The following RIMS2 variants were observed in gnomAD, a reference collection of about 807,000 sequenced individuals.
RIMS2 encodes regulating synaptic membrane exocytosis 2, also known as regulating synaptic membrane exocytosis protein 2.
In RIMS2, 59 loss-of-function variants were observed where a neutral mutation model predicts 174.4. That is an observed-to-expected ratio of 0.34 (90% CI 0.27 to 0.42). RIMS2 has a LOEUF of 0.42. Among genes scored for constraint, RIMS2 ranks in the 10% least tolerant of loss-of-function variants. RIMS2 has a pLI of 1.00. For missense variants in RIMS2, 1,620 were observed against 1,666.3 expected (o/e 0.97, Z 0.48); for synonymous variants, 606 against 572.5 (o/e 1.06, Z -0.84).
intron 19 of RIMS2, among the ~76,000 whole-genome samples, chr8:104,136,801 G>C (rs2098524529): frequency 6.6e-6 from 1 of 152,092 alleles, no homozygotes; most frequent in Non-Finnish European, 1.5e-5. Context: ...CTTTTGGAGG[G>C]TGGAGGGTGG....
rs1297967006 is a variant in RIMS2, at chr8:103,944,133, T to C, written c.2701+1207T>C. ...CTAATTACTGGAATTTTATTTCCACTTAATACAGTCTTGTACCTTTGGATG... is the reference window on the plus strand; with the variant it reads ...CTAATTACTGGAATTTTATTTCCACCTAATACAGTCTTGTACCTTTGGATG... On this transcript the variant is annotated intron_variant, in intron 14 of 23. Transcript: ENST00000504942. Among the ~76,000 whole-genome samples the C allele has an allele frequency of 2.0e-5, 3 of 152,222 alleles. No individual in the cohort carries two copies. The East Asian group carries it at 5.8e-4, about 29-fold the overall frequency.
At chr8:104,064,001 G>A (rs1301694481) in intron 19 of RIMS2, among the ~76,000 whole-genome samples, 2 of 152,086 alleles carry the variant, frequency 1.3e-5, no homozygotes, top group Admixed American at 6.6e-5. Flanking sequence ...TAGTACATGC[G>A]TGTAGTAAAA....
At chr8:103,597,165 G>A (rs1353985550) in intron 1 of RIMS2, among the ~76,000 whole-genome samples, 2 of 152,028 alleles carry the variant, frequency 1.3e-5, no homozygotes, top group African/African-American at 4.8e-5. Flanking sequence ...AAATTTATTG[G>A]TAGAAAAGAA....
rs553386359 is a variant in RIMS2, at chr8:104,023,425, A to G, written c.3334+8810A>G. On this transcript the variant is annotated intron_variant, in intron 19 of 23. Transcript: ENST00000504942. The stretch of plus-strand genomic sequence containing the variant: ...GATGATAGTGGCTTAGACCAGCATG[A>G]TAGCAGTATAAGTAGCTGGATTCTG... Among the ~76,000 whole-genome samples the G allele has an allele frequency of 1.8e-4, 27 of 152,318 alleles. No homozygotes were observed. The South Asian group carries it at 1.9e-3, about 11-fold the overall frequency.
intron 19 of RIMS2, among the ~76,000 whole-genome samples, chr8:104,190,972 TG>T (rs1233062499): frequency 6.6e-6 from 1 of 151,598 alleles, no homozygotes. Flanking sequence ...CTTCTTCTGA[TG>T]TGGGAAGCAG....
intron 19 of RIMS2, among the ~76,000 whole-genome samples, chr8:104,025,824 C>T (rs558055610): frequency 6.6e-6 from 1 of 151,942 alleles, no homozygotes; most frequent in South Asian, 2.1e-4. Context: ...TTTTCCTGTA[C>T]CTTTTCTATA....
downstream of RIMS2, chr8:104,254,775 C>G (rs990184307): frequency 2.6e-5 from 4 of 152,160 alleles, no homozygotes. Context: ...CAGGCACAGG[C>G]TCTGCTAGCC....
At chr8:103,876,918 A>ACACACACC (rs1273181641) in intron 3 of RIMS2, among the ~76,000 whole-genome samples, 2 of 124,996 alleles carry the variant, frequency 1.6e-5, no homozygotes, top group Non-Finnish European at 3.4e-5. Flanking sequence ...ATACACACAC[A>ACACACACC]CCCCCATATA....
At chr8:103,608,095 T>C (rs2095209044) in intron 1 of RIMS2, among the ~76,000 whole-genome samples, 1 of 149,830 alleles carries the variant, frequency 6.7e-6, no homozygotes, top group Admixed American at 6.6e-5. Flanking sequence ...TAATTTCCAG[T>C]TTTTCTGTTC....
intron 19 of RIMS2, among the ~76,000 whole-genome samples, chr8:104,180,096 A>G (rs1039753261): frequency 6.6e-6 from 1 of 151,778 alleles, no homozygotes; most frequent in African/African-American, 2.4e-5. Flanking sequence ...ATTTAATGTA[A>G]TGCTCTATTG....
intron 19 of RIMS2, among the ~76,000 whole-genome samples, chr8:104,181,428 G>A (rs762054888): frequency 3.4e-4 from 51 of 151,526 alleles, no homozygotes; most frequent in Non-Finnish European, 6.7e-4. Flanking sequence ...GGAATACCAT[G>A]ACCAAATCAC....
At chr8:104,022,481 A>T (rs1421123243) in intron 19 of RIMS2, among the ~76,000 whole-genome samples, 1 of 152,048 alleles carries the variant, frequency 6.6e-6, no homozygotes, top group Admixed American at 6.6e-5. Flanking sequence ...CTCCCGGCTC[A>T]AGGGATTCTC....
chr8:103,774,801 C>G (rs2098294888), intron 3 of RIMS2, among the ~76,000 whole-genome samples: 2 of 152,104 alleles, frequency 1.3e-5, no homozygotes, highest in African/African-American at 4.8e-5. Flanking sequence ...CCTTCTGTAT[C>G]TTCATAGGGG....
intron 19 of RIMS2, among the ~76,000 whole-genome samples, chr8:104,024,601 A>G (rs986491182): frequency 2.1e-4 from 32 of 152,152 alleles, no homozygotes; most frequent in Admixed American, 2.1e-3. Flanking sequence ...AGTTCAACCA[A>G]TGTCTGCTAT....
chr8:103,681,895 T>G (rs1394930500), intron 1 of RIMS2, among the ~76,000 whole-genome samples: 1 of 152,126 alleles, frequency 6.6e-6, no homozygotes, highest in African/African-American at 2.4e-5. Context: ...TAGCAAGACC[T>G]ATAGTATTGG....
chr8:104,075,657 A>C (rs1301143199), intron 19 of RIMS2, among the ~76,000 whole-genome samples: 1 of 152,070 alleles, frequency 6.6e-6, no homozygotes, highest in Admixed American at 6.5e-5. Context: ...TTATTTCTTC[A>C]TGCCTCAGCA....
chr8:104,007,522 T>G (rs2095626178), intron 17 of RIMS2, among the ~76,000 whole-genome samples: 1 of 152,226 alleles, frequency 6.6e-6, no homozygotes, highest in Non-Finnish European at 1.5e-5. Flanking sequence ...CTATTTTATC[T>G]TCCATCATCT....
chr8:104,119,524 G>A (rs1012123278), intron 19 of RIMS2, among the ~76,000 whole-genome samples: 6 of 152,064 alleles, frequency 3.9e-5, no homozygotes, highest in South Asian at 2.1e-4. Flanking sequence ...AAATGTCACC[G>A]TATTCTCTTA....
At chr8:103,600,385 T>A (rs1028048442) in intron 1 of RIMS2, among the ~76,000 whole-genome samples, 1 of 152,182 alleles carries the variant, frequency 6.6e-6, no homozygotes, top group Admixed American at 6.5e-5. Context: ...TTATCATGCC[T>A]CAGCATCCTG....
Sources: gnomAD v4.1 joint callset for allele counts (sites outside exome capture counted in the v4.1 genomes callset) on GRCh38, gnomAD v4.1.1 for gene constraint, MANE v1.5 for transcripts, NCBI Gene and HGNC (gene_info 2026-07-23, HGNC 2026-07-21) for gene names.